Variants in GIMAP8 observed in about 807,000 individuals in gnomAD.
GIMAP8 encodes the protein GTPase IMAP family member 8.
In GIMAP8, 29 loss-of-function variants were observed where a neutral mutation model predicts 35.6. The ratio of observed to expected loss-of-function variants is 0.81; its 90% CI spans 0.61 to 1.11. The LOEUF is 1.11. Among genes scored for constraint, GIMAP8 ranks in the 50% most tolerant of loss-of-function variants. The pLI, the probability that GIMAP8 is intolerant of heterozygous loss-of-function variation, is 0.00. For missense variants in GIMAP8, 811 were observed against 805.0 expected, an observed-to-expected ratio of 1.01 and a Z score of -0.09; for synonymous variants, 335 against 308.7, an observed-to-expected ratio of 1.09 and a Z score of -0.89.
chr7:150,463,838 A>G (rs1168564127), intron 1 of GIMAP8, among the ~76,000 whole-genome samples: 2 of 152,142 alleles, frequency 1.3e-5, no homozygotes, highest in Non-Finnish European at 2.9e-5. Context: ...GTAGGCCAGT[A>G]TTTGGGCTCC....
intron 3 of GIMAP8, 95 bp from the exon 4 acceptor site, chr7:150,473,917 C>G (rs1177502791): frequency 7.7e-7 from 1 of 1,299,090 alleles, no homozygotes; most frequent in African/African-American, 1.5e-5. Flanking sequence ...TTGCCATTCT[C>G]TATACAAGTT....
chr7:150,470,840 T>C lies in GIMAP8; in HGVS notation c.648T>C (p.Asn216=). Residue 216 remains asparagine (N), a synonymous_variant, in exon 3 of 5, where the codon AAT becomes AAC. Coordinates refer to ENST00000307271, the MANE Select transcript of GIMAP8 (RefSeq NM_175571.4). ...TEGSRFQDCV[N]EAASQEGDKP... is the part of the protein sequence containing the mutation. The stretch of plus-strand genomic sequence containing the variant: ...CCTTTATTTTCTAGGATTGTGTGAA[T>C]GAAGCTGCATCTCAAGAGGGAGACA... 1 of 1,602,696 alleles carries C rather than the reference T, an allele frequency of 6.2e-7. No individual in the cohort carries two copies. The highest frequency in any genetic ancestry group is 8.5e-7 in the Non-Finnish European group (1 of 1,172,346).
Position 150,477,436 on chromosome 7 carries a change from T to G in GIMAP8, c.1654T>G (p.Phe552Val). 6.2e-7 allele frequency: 1 copy of G among 1,613,742 alleles called. No homozygotes were observed. Among genetic ancestry groups the G allele is most frequent in the African/African-American group, 1.3e-5 (1 of 75,040 alleles). ...AGCTGTGGCGAAACTGGAGGCCATC[T>G]TTGGAGCAGACTTTACGAAATACGC... ...KTAVAKLEAIFGADFTKYAIM... is the reference protein window; with the variant it reads ...KTAVAKLEAIVGADFTKYAIM... The change falls in exon 5 of 5, where the codon TTT becomes GTT. Residue 552 changes from phenylalanine to valine, a missense_variant. Transcript: ENST00000307271.
At position 150,450,814 on chromosome 7, in the gene GIMAP8, C is replaced by T. The variant is rs931876155; in HGVS notation, c.-390C>T. 1 of 153,002 alleles carries T rather than the reference C, an allele frequency of 6.5e-6. No homozygotes were observed. The highest frequency in any genetic ancestry group is 1.5e-5 in the Non-Finnish European group (1 of 68,694). 9.5% of individuals were successfully genotyped at this position (153,002 alleles called of 1,614,324 possible). On this transcript the variant is annotated 5_prime_UTR_variant, in exon 1 of 5. Coordinates refer to ENST00000307271, the MANE Select transcript of GIMAP8 (RefSeq NM_175571.4). The surrounding 1 kb of genome is among the most constrained non-coding windows in gnomAD (Gnocchi z 4.4). ...TCTGCTGTCATTTCTCCTCCCTCCT[C>T]TCAGTCTGCAGCTGCGGGACGGGCC... is the stretch of plus-strand genomic sequence containing the variant.
chr7:150,477,668 G>C lies in GIMAP8; in HGVS notation c.1886G>C (p.Gly629Ala), dbSNP rs889114847. Residue 629 changes from glycine (G) to alanine (A), a missense_variant, in exon 5 of 5, where the codon GGG becomes GCG. Physicochemically the swap from Gly to Ala is moderately conservative, Grantham distance 60. Transcript: ENST00000307271. ...GTCAATGATCTGAGAAAAGAAAGTGGGTGGTCCGGGTATCCCCATACACAG... is the reference window on the plus strand; with the variant it reads ...GTCAATGATCTGAGAAAAGAAAGTGCGTGGTCCGGGTATCCCCATACACAG... ...TKVNDLRKES[G>A]WSGYPHTQEN... The C allele has an allele frequency of 5.6e-6, 9 of 1,614,016 alleles. No homozygotes were observed. The Admixed American group carries it at 8.3e-5, about 15-fold the overall frequency.
At chr7:150,459,958 G>A (rs979268306) in intron 1 of GIMAP8, among the ~76,000 whole-genome samples, 1 of 152,178 alleles carries the variant, frequency 6.6e-6, no homozygotes, top group African/African-American at 2.4e-5. Flanking sequence ...GACTGAAGTG[G>A]TCCAATGAAA....
At position 150,465,028 on chromosome 7, in the gene GIMAP8, A is replaced by G. The variant is rs567632099; in HGVS notation, c.-28-1643A>G. On this transcript the variant is annotated intron_variant, in intron 1 of 4. Transcript: ENST00000307271. ...ACAACATTGTCCTCATGTGTGTCAC[A>G]TTCTTATCTGCTTGCTGCATCTATG... is the stretch of plus-strand genomic sequence containing the variant. Among the ~76,000 whole-genome samples, 152 of 152,296 alleles carry G rather than the reference A, an allele frequency of 1.0e-3. 4 individuals are homozygous for G. The South Asian group carries it at 0.03, about 30-fold the overall frequency.
intron 3 of GIMAP8, among the ~76,000 whole-genome samples, chr7:150,473,630 G>A (rs186101186): frequency 2.8e-4 from 42 of 150,824 alleles, no homozygotes; most frequent in African/African-American, 1.0e-3. Flanking sequence ...CCACCAAGGG[G>A]CATTTGAAAA....
intron 1 of GIMAP8, among the ~76,000 whole-genome samples, chr7:150,465,798 A>G (rs1247741697): frequency 1.3e-5 from 2 of 152,240 alleles, no homozygotes; most frequent in African/African-American, 2.4e-5. Flanking sequence ...AAGCAGCACT[A>G]TCTATATACT....
intron 2 of GIMAP8, among the ~76,000 whole-genome samples, chr7:150,470,380 C>A (rs1464755): frequency 0.034 from 5,201 of 152,014 alleles, 190 homozygotes; most frequent in African/African-American, 0.093. Context: ...GATTCCACAA[C>A]AATAAATATT....
chr7:150,456,999 G>T (rs1801743968), intron 1 of GIMAP8, among the ~76,000 whole-genome samples: 1 of 152,210 alleles, frequency 6.6e-6, no homozygotes, highest in South Asian at 2.1e-4. Flanking sequence ...GGTGCTAGAG[G>T]AATGAAGACA....
chr7:150,467,617 T>A (rs1801998086), intron 2 of GIMAP8, among the ~76,000 whole-genome samples: 1 of 152,208 alleles, frequency 6.6e-6, no homozygotes, highest in South Asian at 2.1e-4. Flanking sequence ...TTTGACTCTC[T>A]CTTCCCCTGA....
intron 2 of GIMAP8, 53 bp from the exon 3 acceptor site, chr7:150,470,776 T>TTTG: frequency 1.6e-5 from 10 of 622,682 alleles, no homozygotes; most frequent in South Asian, 3.8e-5. Context: ...TTTCAGTTTG[T>TTTG]GGAAGATGAG....
In GIMAP8 at chr7:150,477,089, C is replaced by G. The variant is rs777075844; in HGVS notation, c.1310-3C>G. The stretch of plus-strand genomic sequence containing the variant: ...ACGAATCTTTCCCACTTTCCTTTGA[C>G]AGAAACCCTGAACATTGTCCTTGTG... On this transcript the variant is annotated splice_polypyrimidine_tract_variant and splice_region_variant and intron_variant, in intron 4 of 4. Coordinates refer to ENST00000307271, the MANE Select transcript of GIMAP8 (RefSeq NM_175571.4). 16 of 1,592,840 alleles carry G rather than the reference C, an allele frequency of 1.0e-5. No homozygotes were observed. Among genetic ancestry groups the G allele is most frequent in the Non-Finnish European group, 1.3e-5 (15 of 1,163,208 alleles).
At position 150,474,144 on chromosome 7, in the gene GIMAP8, C is replaced by G; in HGVS notation, c.815C>G (p.Ala272Gly). 1.2e-6 allele frequency: 2 copies of G among 1,614,152 alleles called. No homozygotes were observed. Among genetic ancestry groups the G allele is most frequent in the Non-Finnish European group, 1.7e-6 (2 of 1,180,022 alleles). ...GGAAACAGCATTCTGGGGAGGCAGG[C>G]CTTTCAGACCGGATTTAGTGAGCAG... ...AAGNSILGRQ[A>G]FQTGFSEQSV... Residue 272 changes from alanine to glycine, a missense_variant, in exon 4 of 5, where the codon GCC (alanine) becomes GGC (glycine). Ala to Gly is a moderately conservative substitution (Grantham distance 60, BLOSUM62 0). Transcript: ENST00000307271.
In GIMAP8 at chr7:150,462,600, G is replaced by A. The variant is rs953262896; in HGVS notation, c.-28-4071G>A. Reference sequence around the variant, plus strand: ...TTCTTCCTCATTTCTGAAGGATAGTGTTGCTGTGTATAGTATTCTTGGCCA... The same window carrying A: ...TTCTTCCTCATTTCTGAAGGATAGTATTGCTGTGTATAGTATTCTTGGCCA... On this transcript the variant is annotated intron_variant, in intron 1 of 4. Coordinates refer to ENST00000307271, the MANE Select transcript of GIMAP8 (RefSeq NM_175571.4). 5.3e-5 allele frequency among the ~76,000 whole-genome samples: 8 copies of A among 152,068 alleles called. No individual in the cohort carries two copies. The East Asian group carries it at 5.8e-4, about 11-fold the overall frequency.
At chr7:150,470,763 TTTTTTCA>T (rs1450233761) in intron 2 of GIMAP8, 59 bp from the exon 3 acceptor site, 295 of 716,446 alleles carry the variant, frequency 4.1e-4, no homozygotes, top group South Asian at 5.3e-4. Flanking sequence ...TTTTTTTTTT[TTTTTTCA>T]GTTTGTGGAA....
chr7:150,475,471 G>A (rs893388593), intron 4 of GIMAP8, among the ~76,000 whole-genome samples: 1 of 152,180 alleles, frequency 6.6e-6, no homozygotes, highest in African/African-American at 2.4e-5. Context: ...TAGTGTGAGT[G>A]TCTTGAAGAA....
chr7:150,452,687 T>TAG (rs1801642156), intron 1 of GIMAP8, among the ~76,000 whole-genome samples: 1 of 102,210 alleles, frequency 9.8e-6, no homozygotes, highest in Non-Finnish European at 2.0e-5. Context: ...TATATATATA[T>TAG]ATATATATAT....
Sources: allele counts gnomAD v4.1 joint callset (sites outside exome capture counted in the v4.1 genomes callset), GRCh38; gene constraint gnomAD v4.1.1; non-coding constraint Gnocchi (gnomAD v3.1); transcripts MANE v1.5; gene names NCBI Gene and HGNC (gene_info 2026-07-23, HGNC 2026-07-21).